MYH11: variants seen among roughly 807,000 people sequenced by gnomAD.
MYH11 encodes the protein myosin-11.
MYH11 carries 80 observed loss-of-function variants against 246.6 expected under a neutral mutation model. That is an observed-to-expected ratio of 0.32 (90% CI 0.27 to 0.39). The LOEUF is 0.39. MYH11 is among the 10% of genes least tolerant of loss of function. The pLI, the probability that MYH11 is intolerant of heterozygous loss-of-function variation, is 1.00. For synonymous variants in MYH11, 1,071 were observed against 1,015.5 expected, an observed-to-expected ratio of 1.05 and a Z score of -1.04; for missense variants, 2,158 against 2,546.8, an observed-to-expected ratio of 0.85 and a Z score of 3.29.
intron 24 of MYH11, 63 bp downstream of exon 24, chr16:15,738,502 G>A (rs1294343749): frequency 1.1e-5 from 17 of 1,483,270 alleles, no homozygotes; most frequent in Non-Finnish European, 1.6e-5. Flanking sequence ...AACAGAGCAA[G>A]ACCTCATCTC....
intron 8 of MYH11, among the ~76,000 whole-genome samples, chr16:15,773,359 C>A (rs991021553): frequency 3.6e-5 from 5 of 140,510 alleles, no homozygotes; most frequent in Admixed American, 7.9e-5. Flanking sequence ...GCGATATTGG[C>A]TGCTCACTGC....
intron 27 of MYH11, among the ~76,000 whole-genome samples, chr16:15,727,982 G>A (rs942962969): frequency 1.3e-5 from 2 of 151,926 alleles, no homozygotes; most frequent in African/African-American, 4.8e-5. Flanking sequence ...GAAATAAGTA[G>A]CTTTGGGAGG....
At chr16:15,787,413 A>AT (rs2042496303) in intron 4 of MYH11, among the ~76,000 whole-genome samples, 1 of 152,122 alleles carries the variant, frequency 6.6e-6, no homozygotes, top group South Asian at 2.1e-4. Context: ...ATCTCTAAAA[A>AT]AATAGAGTGA....
chr16:15,847,850 T>C (rs1158160359), intron 1 of MYH11, among the ~76,000 whole-genome samples: 1 of 152,200 alleles, frequency 6.6e-6, no homozygotes, highest in African/African-American at 2.4e-5. Flanking sequence ...CTTCGACTCA[T>C]GCTAGAATGG....
intron 3 of MYH11, among the ~76,000 whole-genome samples, chr16:15,809,392 C>T (rs1046691868): frequency 2.0e-5 from 3 of 151,540 alleles, no homozygotes; most frequent in Admixed American, 6.6e-5. Flanking sequence ...ATTAGCCAGG[C>T]GTGATGATCT....
intron 1 of MYH11, among the ~76,000 whole-genome samples, chr16:15,853,781 G>T (rs2044389162): frequency 1.3e-5 from 2 of 152,276 alleles, no homozygotes; most frequent in African/African-American, 4.8e-5. Flanking sequence ...TGAGCACTTT[G>T]GGAGACCAAG....
rs774106226 is a variant in MYH11, at chr16:15,721,621, T to C, written c.4379A>G (p.Glu1460Gly). The part of the protein sequence containing the change: ...QRKFDQLLAE[E>G]KNISSKYADE... ...CGCGTATTTGGAAGAGATGTTTTTC[T>C]CCTCGGCTAACAACTACAACACAAG... The change falls in exon 32 of 41, where the codon GAG becomes GGG. Residue 1460 changes from glutamate (E) to glycine (G), a missense_variant. Glu to Gly is a moderately conservative substitution (Grantham distance 98, BLOSUM62 -2). Transcript: ENST00000300036. 2 of 1,614,172 alleles carry C rather than the reference T, an allele frequency of 1.2e-6. No individual in the cohort carries two copies. The highest frequency in any genetic ancestry group is 3.3e-5 in the Admixed American group (2 of 60,008).
At chr16:15,760,500 G>A (rs767946680) in intron 11 of MYH11, 40 bp downstream of exon 11, 9 of 1,385,160 alleles carry the variant, frequency 6.5e-6, no homozygotes, top group Non-Finnish European at 8.2e-6. Context: ...TGGATGGATG[G>A]GTGGGTGCAT....
intron 13 of MYH11, 132 bp downstream of exon 13, chr16:15,757,695 T>C: frequency 8.6e-7 from 1 of 1,165,424 alleles, no homozygotes; most frequent in South Asian, 1.3e-5. Context: ...TTACAGCCTT[T>C]CAGGACTGGG....
At position 15,718,106 on chromosome 16, in the gene MYH11, C is replaced by T. The variant is rs74009410; in HGVS notation, c.5295+209G>A. ...GCCACGCCGTGGCTGGAAAATGAGA[C>T]ACTGCAGCGTGGAGAGGAGTATTCT... is the stretch of plus-strand genomic sequence containing the variant. On this transcript the variant is annotated intron_variant, in intron 37 of 40. Coordinates refer to ENST00000300036, the MANE Select transcript of MYH11 (RefSeq NM_002474.3). 2.2e-5 allele frequency: 16 copies of T among 743,310 alleles called. No homozygotes were observed. The African/African-American group carries it at 2.6e-4, about 12-fold the overall frequency. The allele number at this position is 743,310 out of a possible 1,614,324, so 46.0% of individuals were successfully genotyped here.
intron 3 of MYH11, among the ~76,000 whole-genome samples, chr16:15,820,872 T>C (rs2043392028): frequency 6.6e-6 from 1 of 152,090 alleles, no homozygotes; most frequent in Non-Finnish European, 1.5e-5. Context: ...GCAATGTTGG[T>C]TTTCTTTTCT....
intron 38 of MYH11, among the ~76,000 whole-genome samples, chr16:15,716,081 A>G (rs56786076): frequency 0.01 from 1,547 of 152,226 alleles, 32 homozygotes; most frequent in African/African-American, 0.034. Flanking sequence ...AGCCTGGGAA[A>G]CAGAGTGAGA....
At chr16:15,745,350 A>G (rs1353671204) in intron 19 of MYH11, 113 bp from the exon 20 acceptor site, 5 of 707,482 alleles carry the variant, frequency 7.1e-6, no homozygotes, top group African/African-American at 1.8e-5. Flanking sequence ...AATCTCCCCA[A>G]CTCAGGTTCT....
At chr16:15,801,943 C>A (rs761384926) in intron 3 of MYH11, among the ~76,000 whole-genome samples, 2 of 151,684 alleles carry the variant, frequency 1.3e-5, no homozygotes, top group Non-Finnish European at 2.9e-5. Flanking sequence ...GGCAACAGAG[C>A]GAGACTCCAA....
At chr16:15,774,187 C>T (rs77575697) in intron 8 of MYH11, among the ~76,000 whole-genome samples, 1 of 152,232 alleles carries the variant, frequency 6.6e-6, no homozygotes. Flanking sequence ...ATTCAAGTCA[C>T]GAGGATTGAG....
At chr16:15,851,747 A>G (rs1422250832) in intron 1 of MYH11, among the ~76,000 whole-genome samples, 4 of 152,064 alleles carry the variant, frequency 2.6e-5, no homozygotes, top group South Asian at 2.1e-4. Context: ...CTGAATACCA[A>G]TGGTTTCAAG....
chr16:15,802,358 G>T (rs1053240060), intron 3 of MYH11, among the ~76,000 whole-genome samples: 1 of 152,240 alleles, frequency 6.6e-6, no homozygotes, highest in South Asian at 2.1e-4. Flanking sequence ...GTGAGGTTCA[G>T]AAGTGAGGCA....
intron 3 of MYH11, among the ~76,000 whole-genome samples, chr16:15,811,079 G>T (rs1447766074): frequency 6.6e-6 from 1 of 152,112 alleles, no homozygotes; most frequent in Non-Finnish European, 1.5e-5. Flanking sequence ...GAGATCATGG[G>T]GGTTCAATCC....
intron 28 of MYH11, 33 bp from the exon 29 acceptor site, chr16:15,725,025 C>T (rs927877187): frequency 6.3e-7 from 1 of 1,588,556 alleles, no homozygotes; most frequent in African/African-American, 1.3e-5. Context: ...TAGTCAAAGC[C>T]TCTAGAAGGG....
Sources: allele counts gnomAD v4.1 joint callset (sites outside exome capture counted in the v4.1 genomes callset), GRCh38; gene constraint gnomAD v4.1.1; transcripts MANE v1.5; gene names NCBI Gene and HGNC (gene_info 2026-07-23, HGNC 2026-07-21).